The following SLC25A21 variants were observed in gnomAD, a reference collection of about 807,000 sequenced individuals.
The protein encoded by SLC25A21 is solute carrier family 25 member 21.
A neutral mutation model predicts 43.8 loss-of-function variants in SLC25A21; 47 were observed. That is an observed-to-expected ratio of 1.07 (90% CI 0.85 to 1.37). The LOEUF is 1.37. Ranked by LOEUF, SLC25A21 falls within the 40% of genes most tolerant of loss-of-function variation. The pLI, the probability that SLC25A21 is intolerant of heterozygous loss-of-function variation, is 0.00. For missense variants in SLC25A21, 352 were observed against 350.2 expected (o/e 1.00, Z -0.04); for synonymous variants, 131 against 121.3 (o/e 1.08, Z -0.52).
intron 1 of SLC25A21, among the ~76,000 whole-genome samples, chr14:36,953,099 G>T (rs547557032): frequency 6.6e-6 from 1 of 152,106 alleles, no homozygotes; most frequent in Non-Finnish European, 1.5e-5. Flanking sequence ...ACTGCTTTTG[G>T]TTATCAAGGG....
intron 3 of SLC25A21, among the ~76,000 whole-genome samples, chr14:36,801,324 G>A (rs575821135): frequency 6.6e-6 from 1 of 152,194 alleles, no homozygotes; most frequent in African/African-American, 2.4e-5. Context: ...AGATCTTTGG[G>A]CTCTCTTCTC....
At chr14:36,971,495 G>A (rs897613454) in intron 1 of SLC25A21, among the ~76,000 whole-genome samples, 5 of 151,936 alleles carry the variant, frequency 3.3e-5, no homozygotes, top group East Asian at 1.9e-4. Flanking sequence ...CCTTTCCTGC[G>A]TCCTATGTAA....
intron 1 of SLC25A21, among the ~76,000 whole-genome samples, chr14:37,136,305 A>C (rs1252639564): frequency 6.6e-6 from 1 of 152,228 alleles, no homozygotes; most frequent in Non-Finnish European, 1.5e-5. Context: ...AAGAAGAAAC[A>C]GTAGAAAAGC....
At chr14:37,116,437 G>T (rs12100470) in intron 1 of SLC25A21, among the ~76,000 whole-genome samples, 18,562 of 152,162 alleles carry the variant, frequency 0.12, 2,847 homozygotes, top group African/African-American at 0.36. Flanking sequence ...CATTACATTT[G>T]AAGTCCTTGG....
At chr14:36,778,902 T>G (rs1886932152) in intron 3 of SLC25A21, among the ~76,000 whole-genome samples, 1 of 152,146 alleles carries the variant, frequency 6.6e-6, no homozygotes. Context: ...ATAGTTTCCA[T>G]GCTGTACATT....
intron 3 of SLC25A21, among the ~76,000 whole-genome samples, chr14:36,776,238 C>CTTTTTTTTTTTTTT (rs35856297): frequency 1.7e-4 from 15 of 89,900 alleles, no homozygotes; most frequent in African/African-American, 5.6e-4. Context: ...TTCTTTCTTT[C>CTTTTTTTTTTTTTT]TTTTTTTTTT....
At chr14:36,743,066 T>C (rs1885336484) in intron 3 of SLC25A21, among the ~76,000 whole-genome samples, 1 of 152,168 alleles carries the variant, frequency 6.6e-6, no homozygotes, top group Admixed American at 6.5e-5. Context: ...AGTCCATGGC[T>C]CCATTCCCTG....
intron 6 of SLC25A21, among the ~76,000 whole-genome samples, chr14:36,720,299 G>C (rs1285855143): frequency 1.3e-5 from 2 of 152,204 alleles, no homozygotes; most frequent in Admixed American, 1.3e-4. Flanking sequence ...GCTGGAAGTT[G>C]TTAGGAAATT....
At chr14:36,733,212 C>T (rs1413903728) in intron 4 of SLC25A21, among the ~76,000 whole-genome samples, 1 of 152,192 alleles carries the variant, frequency 6.6e-6, no homozygotes, top group Non-Finnish European at 1.5e-5. Flanking sequence ...TCCATGCAGA[C>T]AAAGTGACTT....
chr14:37,058,759 A>G (rs2138808731), intron 1 of SLC25A21, among the ~76,000 whole-genome samples: 1 of 152,328 alleles, frequency 6.6e-6, no homozygotes, highest in Non-Finnish European at 1.5e-5. Flanking sequence ...TTTGTGATCA[A>G]GTTCTGCTGA....
In SLC25A21 at chr14:36,758,789, C is replaced by T. The variant is rs113307238; in HGVS notation, c.204-24216G>A. Among the ~76,000 whole-genome samples, 33 of 152,116 alleles carry T rather than the reference C, an allele frequency of 2.2e-4. 1 individual carries two copies. The highest frequency in any genetic ancestry group is 8.0e-4 in the African/African-American group (33 of 41,482). Reference sequence around the variant, plus strand: ...GGAACTGGATGCATCCTGAGGGAACCGAATTCTTTGGTTCTGATAAAACTT... The same window carrying T: ...GGAACTGGATGCATCCTGAGGGAACTGAATTCTTTGGTTCTGATAAAACTT... On this transcript the variant is annotated intron_variant, in intron 3 of 9. Transcript: ENST00000331299.
chr14:36,895,181 C>T (rs576472000), intron 1 of SLC25A21, among the ~76,000 whole-genome samples: 33 of 152,022 alleles, frequency 2.2e-4, no homozygotes, highest in Admixed American at 4.6e-4. Context: ...GGACTTTTTT[C>T]GGTTGGTAAG....
chr14:36,924,791 G>A (rs932936378), intron 1 of SLC25A21, among the ~76,000 whole-genome samples: 1 of 152,036 alleles, frequency 6.6e-6, no homozygotes, highest in Non-Finnish European at 1.5e-5. Flanking sequence ...TATTTATATA[G>A]CATTTATACT....
chr14:37,158,393 A>C (rs892113381), intron 1 of SLC25A21, among the ~76,000 whole-genome samples: 8 of 152,150 alleles, frequency 5.3e-5, no homozygotes, highest in Non-Finnish European at 2.9e-5. Flanking sequence ...ATTATCAAAC[A>C]GGATTTATTC....
At chr14:36,875,931 T>C (rs1890509241) in intron 1 of SLC25A21, among the ~76,000 whole-genome samples, 1 of 152,310 alleles carries the variant, frequency 6.6e-6, no homozygotes, top group Admixed American at 6.5e-5. Flanking sequence ...TATGGTATTA[T>C]AGAGGTAATA....
At chr14:36,992,416 AT>A (rs1165466806) in intron 1 of SLC25A21, among the ~76,000 whole-genome samples, 276 of 149,230 alleles carry the variant, frequency 1.8e-3, no homozygotes, top group Non-Finnish European at 1.7e-3. Context: ...CTATAAAAAA[AT>A]AAATAAATAA....
intron 1 of SLC25A21, among the ~76,000 whole-genome samples, chr14:37,067,289 A>T (rs1309709666): frequency 2.0e-5 from 3 of 152,172 alleles, no homozygotes; most frequent in African/African-American, 7.2e-5. Context: ...CAAAAAATGA[A>T]GTAAAAGCAG....
chr14:37,075,795 A>G (rs1446567986), intron 1 of SLC25A21, among the ~76,000 whole-genome samples: 1 of 152,226 alleles, frequency 6.6e-6, no homozygotes, highest in Non-Finnish European at 1.5e-5. Flanking sequence ...GTAATAACAG[A>G]CAGATGATGG....
At chr14:37,006,346 A>C (rs367727300) in intron 1 of SLC25A21, among the ~76,000 whole-genome samples, 2 of 152,094 alleles carry the variant, frequency 1.3e-5, no homozygotes, top group Non-Finnish European at 2.9e-5. Flanking sequence ...AACTAGTTTC[A>C]GTATTTTAAG....
Sources: gnomAD v4.1 joint callset for allele counts (sites outside exome capture counted in the v4.1 genomes callset) on GRCh38, gnomAD v4.1.1 for gene constraint, MANE v1.5 for transcripts, NCBI Gene and HGNC (gene_info 2026-07-23, HGNC 2026-07-21) for gene names.